CADM2: variants seen among roughly 807,000 people sequenced by gnomAD.
The protein encoded by CADM2 is immunoglobulin superfamily member 4D.
A neutral mutation model predicts 49.8 loss-of-function variants in CADM2; 12 were observed. That is an observed-to-expected ratio of 0.24 (90% CI 0.15 to 0.39). The LOEUF is 0.39. Ranked by LOEUF, CADM2 falls within the 10% of genes least tolerant of loss-of-function variation. The pLI, the probability that CADM2 is intolerant of heterozygous loss-of-function variation, is 1.00. For synonymous variants in CADM2, 214 were observed against 175.4 expected (o/e 1.22, Z -1.74); for missense variants, 378 against 492.3 (o/e 0.77, Z 2.20).
chr3:85,302,583 T>C (rs953845952), intron 1 of CADM2, among the ~76,000 whole-genome samples: 3 of 152,078 alleles, frequency 2.0e-5, no homozygotes, highest in African/African-American at 7.2e-5. Flanking sequence ...CATGTATTTA[T>C]ATGTGTAAAT....
intron 1 of CADM2, among the ~76,000 whole-genome samples, chr3:85,173,465 T>A (rs1351613666): frequency 2.0e-5 from 3 of 150,352 alleles, no homozygotes; most frequent in Non-Finnish European, 4.4e-5. Context: ...ATGTTTCTGC[T>A]AAAATTTCTC....
chr3:85,215,045 C>T (rs774043131), intron 1 of CADM2, among the ~76,000 whole-genome samples: 8 of 152,000 alleles, frequency 5.3e-5, no homozygotes, highest in Non-Finnish European at 1.0e-4. Context: ...CCATGGCCAC[C>T]GTAGCTAAGA....
chr3:85,153,657 C>G (rs1034627978), intron 1 of CADM2, among the ~76,000 whole-genome samples: 6 of 152,128 alleles, frequency 3.9e-5, no homozygotes, highest in Non-Finnish European at 7.4e-5. Flanking sequence ...AACAAAAAGA[C>G]AGCAGTAACC....
At chr3:85,272,380 T>C (rs1254782316) in intron 1 of CADM2, among the ~76,000 whole-genome samples, 1 of 151,212 alleles carries the variant, frequency 6.6e-6, no homozygotes, top group African/African-American at 2.4e-5. Flanking sequence ...TATGTTATTA[T>C]ATGCCATTTT....
intron 8 of CADM2, among the ~76,000 whole-genome samples, chr3:86,053,471 C>T (rs552821125): frequency 6.6e-6 from 1 of 152,216 alleles, no homozygotes; most frequent in East Asian, 1.9e-4. Flanking sequence ...CTTCCAATGT[C>T]TTCGTGGAAT....
chr3:85,547,447 T>C (rs1463206), intron 1 of CADM2, among the ~76,000 whole-genome samples: 1 of 151,866 alleles, frequency 6.6e-6, no homozygotes, highest in Non-Finnish European at 1.5e-5. Context: ...TTAATTATTC[T>C]GCAAGACTTG....
chr3:86,025,453 A>G (rs1325819572), intron 8 of CADM2, among the ~76,000 whole-genome samples: 1 of 152,104 alleles, frequency 6.6e-6, no homozygotes, highest in Non-Finnish European at 1.5e-5. Flanking sequence ...TGTTAATTCC[A>G]AGCTTGTAGT....
At chr3:85,984,610 G>A (rs1196602657) in intron 8 of CADM2, among the ~76,000 whole-genome samples, 1 of 151,812 alleles carries the variant, frequency 6.6e-6, no homozygotes, top group African/African-American at 2.4e-5. Context: ...GACAGTAAAT[G>A]CACTAAATGT....
At chr3:85,372,530 T>C (rs79318167) in intron 1 of CADM2, among the ~76,000 whole-genome samples, 1,776 of 152,096 alleles carry the variant, frequency 0.012, 27 homozygotes, top group African/African-American at 0.041. Context: ...TACAAGGTCA[T>C]CTAGAAACAA....
intron 1 of CADM2, among the ~76,000 whole-genome samples, chr3:85,264,152 G>A (rs1244081104): frequency 6.6e-6 from 1 of 151,982 alleles, no homozygotes; most frequent in Non-Finnish European, 1.5e-5. Flanking sequence ...TATGACAAGT[G>A]GCATTTCTTT....
intron 1 of CADM2, among the ~76,000 whole-genome samples, chr3:85,591,114 G>A (rs543362212): frequency 2.0e-5 from 3 of 152,022 alleles, no homozygotes; most frequent in African/African-American, 7.2e-5. Flanking sequence ...TCAACAATTT[G>A]TTGTGAGAAC....
At chr3:85,064,997 G>A (rs192968376) in intron 1 of CADM2, among the ~76,000 whole-genome samples, 1 of 152,070 alleles carries the variant, frequency 6.6e-6, no homozygotes, top group East Asian at 1.9e-4. Flanking sequence ...ACAGCAGAGA[G>A]ATTTGGAAAG....
chr3:86,065,418 T>C (rs1739190052), intron 8 of CADM2, among the ~76,000 whole-genome samples, 187 bp from the exon 9 acceptor site: 1 of 152,242 alleles, frequency 6.6e-6, no homozygotes, highest in Non-Finnish European at 1.5e-5. Flanking sequence ...GTGATTGATA[T>C]ATCAAATGTT....
intron 1 of CADM2, among the ~76,000 whole-genome samples, chr3:85,121,774 T>C (rs2038873286): frequency 6.6e-6 from 1 of 152,208 alleles, no homozygotes; most frequent in Non-Finnish European, 1.5e-5. Flanking sequence ...ACAGTAGTCA[T>C]TTACCTATCT....
intron 3 of CADM2, among the ~76,000 whole-genome samples, chr3:85,823,318 T>A (rs10511068): frequency 9.9e-5 from 15 of 152,086 alleles, no homozygotes; most frequent in Admixed American, 9.2e-4. Context: ...CTGATACTTC[T>A]ATTGTGCACT....
chr3:85,932,205 CAAAG>C (rs1720689595), intron 6 of CADM2, among the ~76,000 whole-genome samples: 1 of 151,664 alleles, frequency 6.6e-6, no homozygotes, highest in South Asian at 2.1e-4. Flanking sequence ...TGGAAAAAAA[CAAAG>C]AAACGAGGTA....
chr3:85,371,641 G>GTGTGTA (rs1229429202), intron 1 of CADM2, among the ~76,000 whole-genome samples: 9 of 139,428 alleles, frequency 6.5e-5, no homozygotes, highest in Admixed American at 3.7e-4. Context: ...GTGTGTGTGT[G>GTGTGTA]TGCATGGGGA....
intron 1 of CADM2, among the ~76,000 whole-genome samples, chr3:85,356,476 T>C (rs1207562409): frequency 6.6e-6 from 1 of 152,032 alleles, no homozygotes; most frequent in East Asian, 1.9e-4. Flanking sequence ...TCTACAGGCC[T>C]GTGAAGGACT....
chr3:85,946,334 G>C (rs370541943), intron 7 of CADM2, among the ~76,000 whole-genome samples: 1,804 of 142,428 alleles, frequency 0.013, 23 homozygotes, highest in African/African-American at 0.03. Context: ...GAATCAATAT[G>C]GTGAAAATGG....
Sources: allele counts gnomAD v4.1 joint callset (sites outside exome capture counted in the v4.1 genomes callset), GRCh38; gene constraint gnomAD v4.1.1; transcripts MANE v1.5; gene names NCBI Gene and HGNC (gene_info 2026-07-23, HGNC 2026-07-21).